The following KCTD16 variants were observed in gnomAD, a reference collection of about 807,000 sequenced individuals.
KCTD16 encodes potassium channel tetramerization domain containing 16, also known as BTB/POZ domain-containing protein KCTD16.
A neutral mutation model predicts 33.2 loss-of-function variants in KCTD16; 13 were observed. That is an observed-to-expected ratio of 0.39 (90% CI 0.25 to 0.62). The LOEUF (loss-of-function observed/expected upper bound fraction) is 0.62. Ranked by LOEUF, KCTD16 falls within the 20% of genes least tolerant of loss-of-function variation. The pLI, the probability that KCTD16 is intolerant of heterozygous loss-of-function variation, is 0.50. For missense variants in KCTD16, 441 were observed against 525.1 expected, an observed-to-expected ratio of 0.84 and a Z score of 1.57; for synonymous variants, 197 against 195.3, an observed-to-expected ratio of 1.01 and a Z score of -0.07.
At chr5:144,238,927 A>G (rs1403889080) in intron 3 of KCTD16, among the ~76,000 whole-genome samples, 1 of 152,106 alleles carries the variant, frequency 6.6e-6, no homozygotes, top group Non-Finnish European at 1.5e-5. Context: ...GAGAAGACAA[A>G]CAAGTTGGTG....
intron 3 of KCTD16, among the ~76,000 whole-genome samples, chr5:144,298,339 A>G (rs948303240): frequency 2.6e-5 from 4 of 152,134 alleles, no homozygotes; most frequent in Non-Finnish European, 5.9e-5. Flanking sequence ...TTCTTTTTGG[A>G]TCACATTGGC....
intron 2 of KCTD16, among the ~76,000 whole-genome samples, chr5:144,176,045 A>T (rs6875066): frequency 6.6e-6 from 1 of 152,052 alleles, no homozygotes; most frequent in Non-Finnish European, 1.5e-5. Flanking sequence ...TCTCTGTCCA[A>T]GATCTTTCAA....
chr5:144,211,921 C>T (rs762444867), intron 3 of KCTD16, among the ~76,000 whole-genome samples: 2 of 152,078 alleles, frequency 1.3e-5, no homozygotes, highest in Non-Finnish European at 2.9e-5. Flanking sequence ...TCTCCCATGC[C>T]ATAATCAAAG....
chr5:144,429,033 T>A (rs1482269520), intron 3 of KCTD16, among the ~76,000 whole-genome samples: 1 of 152,124 alleles, frequency 6.6e-6, no homozygotes, highest in Non-Finnish European at 1.5e-5. Flanking sequence ...CATGAACATA[T>A]CTGTAGCAGG....
chr5:144,355,942 T>A (rs1417265868), intron 3 of KCTD16, among the ~76,000 whole-genome samples: 1 of 152,174 alleles, frequency 6.6e-6, no homozygotes, highest in African/African-American at 2.4e-5. Context: ...AATATCTGTG[T>A]AGCTTCTGAG....
At chr5:144,174,545 A>G (rs1363343631) in intron 2 of KCTD16, 73 bp downstream of exon 2, 2 of 152,196 alleles carry the variant, frequency 1.3e-5, no homozygotes, top group Non-Finnish European at 2.9e-5. Flanking sequence ...TATGACAATT[A>G]TATTTCCTCC....
chr5:144,267,280 A>G (rs1755170627), intron 3 of KCTD16, among the ~76,000 whole-genome samples: 1 of 152,152 alleles, frequency 6.6e-6, no homozygotes, highest in South Asian at 2.1e-4. Context: ...ACCTTCCTTA[A>G]CTTTCTGTAC....
intron 3 of KCTD16, among the ~76,000 whole-genome samples, chr5:144,395,251 T>C (rs1235536986): frequency 6.6e-6 from 1 of 152,232 alleles, no homozygotes; most frequent in African/African-American, 2.4e-5. Flanking sequence ...GATAGTTGTT[T>C]CAGTTATCGA....
chr5:144,403,576 C>A (rs1752751271), intron 3 of KCTD16, among the ~76,000 whole-genome samples: 1 of 152,086 alleles, frequency 6.6e-6, no homozygotes, highest in Admixed American at 6.6e-5. Flanking sequence ...CAAGAAGGAA[C>A]CACCCTGGTG....
intron 3 of KCTD16, among the ~76,000 whole-genome samples, chr5:144,222,142 T>C (rs1753777151): frequency 6.6e-6 from 1 of 152,208 alleles, no homozygotes; most frequent in Admixed American, 6.5e-5. Flanking sequence ...TTTTTAAAGT[T>C]CTTTGTACAT....
At chr5:144,405,485 A>T (rs1279295789) in intron 3 of KCTD16, among the ~76,000 whole-genome samples, 1 of 152,180 alleles carries the variant, frequency 6.6e-6, no homozygotes, top group South Asian at 2.1e-4. Flanking sequence ...TTCAGTAGAG[A>T]TGGAGACCTG....
intron 3 of KCTD16, among the ~76,000 whole-genome samples, chr5:144,281,114 G>A (rs1159267144): frequency 1.3e-5 from 2 of 152,204 alleles, no homozygotes; most frequent in South Asian, 2.1e-4. Flanking sequence ...CCTGGCAGGC[G>A]GAGGTTGCAG....
chr5:144,462,664 A>G (rs1470934414), intron 3 of KCTD16, among the ~76,000 whole-genome samples: 4 of 152,068 alleles, frequency 2.6e-5, no homozygotes, highest in African/African-American at 9.7e-5. Flanking sequence ...CAGTGAAGAT[A>G]GAAGAATATA....
chr5:144,176,387 C>CTTTTT (rs368578231), intron 2 of KCTD16, among the ~76,000 whole-genome samples: 4 of 106,660 alleles, frequency 3.8e-5, no homozygotes, highest in East Asian at 5.2e-4. Context: ...TATAGTGTTT[C>CTTTTT]TTTTTTTTTT....
At chr5:144,442,999 T>G (rs1753746970) in intron 3 of KCTD16, among the ~76,000 whole-genome samples, 1 of 152,108 alleles carries the variant, frequency 6.6e-6, no homozygotes. Context: ...TGTTATGGTT[T>G]GAGTAGAACT....
intron 3 of KCTD16, among the ~76,000 whole-genome samples, chr5:144,400,668 C>G (rs928613051): frequency 2.0e-5 from 3 of 152,086 alleles, no homozygotes; most frequent in African/African-American, 7.2e-5. Flanking sequence ...GATAAGGTCT[C>G]TACCTACATA....
At chr5:144,324,623 C>T (rs1467969790) in intron 3 of KCTD16, among the ~76,000 whole-genome samples, 1 of 152,168 alleles carries the variant, frequency 6.6e-6, no homozygotes, top group East Asian at 1.9e-4. Flanking sequence ...GATACATGCA[C>T]TCGTATGTTC....
At position 144,477,760 on chromosome 5, in the gene KCTD16, C is replaced by A. The variant is rs349696; in HGVS notation, c.*3646C>A. 0.41 allele frequency: 62,909 copies of A among 151,736 alleles called. 13,286 individuals are homozygous for A. The highest frequency in any genetic ancestry group is 0.67 in the East Asian group (3,440 of 5,130). 9.4% of individuals were successfully genotyped at this position (151,736 alleles called of 1,614,324 possible). On this transcript the variant is annotated 3_prime_UTR_variant, in exon 4 of 4. Coordinates refer to ENST00000512467, the MANE Select transcript of KCTD16 (RefSeq NM_020768.4). ...TTATACATTTTCCTTTGCTACAATT[C>A]CAACCTTCAACTTTGTATCTACTAT... is the stretch of plus-strand genomic sequence containing the variant.
At chr5:144,291,240 C>T (rs973117670) in intron 3 of KCTD16, among the ~76,000 whole-genome samples, 1 of 152,242 alleles carries the variant, frequency 6.6e-6, no homozygotes, top group African/African-American at 2.4e-5. Context: ...TGGTTGACAC[C>T]AAGACATCAC....
Sources: gnomAD v4.1 joint callset for allele counts (sites outside exome capture counted in the v4.1 genomes callset) on GRCh38, gnomAD v4.1.1 for gene constraint, MANE v1.5 for transcripts, NCBI Gene and HGNC (gene_info 2026-07-23, HGNC 2026-07-21) for gene names.